SGCD: variants seen among roughly 807,000 people sequenced by gnomAD.
The protein encoded by SGCD is delta-sarcoglycan.
In SGCD, 18 loss-of-function variants were observed where a neutral mutation model predicts 36.6. That is an observed-to-expected ratio of 0.49 (90% CI 0.34 to 0.73). SGCD has a LOEUF of 0.73. Ranked by LOEUF, SGCD falls within the 30% of genes least tolerant of loss-of-function variation. The pLI, the probability that SGCD is intolerant of heterozygous loss-of-function variation, is 0.01. For missense variants in SGCD, 387 were observed against 346.7 expected (o/e 1.12, Z -0.92); for synonymous variants, 133 against 130.6 (o/e 1.02, Z -0.12).
At chr5:156,143,368 G>A (rs1206604918) in intron 3 of SGCD, among the ~76,000 whole-genome samples, 1 of 152,194 alleles carries the variant, frequency 6.6e-6, no homozygotes, top group Non-Finnish European at 1.5e-5. Flanking sequence ...GCAGTGCAGA[G>A]GAGAAATGTG....
chr5:156,114,220 T>C (rs1472196488), intron 1 of SGCD, among the ~76,000 whole-genome samples: 2 of 152,102 alleles, frequency 1.3e-5, no homozygotes, highest in East Asian at 3.9e-4. Flanking sequence ...GTTGGTGGGT[T>C]ATGCTGTGCA....
At chr5:156,163,791 C>T (rs540617574) in intron 3 of SGCD, among the ~76,000 whole-genome samples, 1 of 151,396 alleles carries the variant, frequency 6.6e-6, no homozygotes, top group Non-Finnish European at 1.5e-5. Flanking sequence ...GAGGCCGAGG[C>T]GGGTGGATCA....
chr5:155,893,551 T>G (rs916751341), intron 1 of SGCD, among the ~76,000 whole-genome samples: 1 of 152,230 alleles, frequency 6.6e-6, no homozygotes, highest in Admixed American at 6.5e-5. Flanking sequence ...TTGAGATTAG[T>G]TATCCTAGAG....
intron 6 of SGCD, among the ~76,000 whole-genome samples, chr5:156,625,103 AAT>A (rs1303707450): frequency 6.6e-6 from 1 of 152,220 alleles, no homozygotes; most frequent in Non-Finnish European, 1.5e-5. Context: ...GCCTCTCAGT[AAT>A]AGCAGTTAGG....
chr5:155,894,855 T>G (rs1756212619), intron 1 of SGCD, among the ~76,000 whole-genome samples: 1 of 152,130 alleles, frequency 6.6e-6, no homozygotes, highest in South Asian at 2.1e-4. Context: ...TATATTACAA[T>G]GTAATAAATC....
At chr5:156,386,217 T>C (rs943645955) in intron 3 of SGCD, among the ~76,000 whole-genome samples, 4 of 152,136 alleles carry the variant, frequency 2.6e-5, no homozygotes, top group Non-Finnish European at 5.9e-5. Context: ...GAGGACCCTA[T>C]AGTGTGTAGG....
chr5:156,505,803 ACC>A (rs1756670006), intron 3 of SGCD, among the ~76,000 whole-genome samples: 3 of 143,188 alleles, frequency 2.1e-5, no homozygotes, highest in Admixed American at 6.9e-5. Context: ...ACACACACAC[ACC>A]CCTACCCCTG....
At chr5:156,645,759 A>G (rs989382574) in intron 6 of SGCD, among the ~76,000 whole-genome samples, 17 of 152,260 alleles carry the variant, frequency 1.1e-4, no homozygotes, top group Admixed American at 6.5e-4. Flanking sequence ...AATAGTCTCC[A>G]CTTCATAGGG....
intron 3 of SGCD, among the ~76,000 whole-genome samples, chr5:156,272,570 G>A (rs776808295): frequency 5.9e-5 from 9 of 152,114 alleles, no homozygotes; most frequent in Non-Finnish European, 1.2e-4. Context: ...GATGAGATCC[G>A]CGTTATGACA....
intron 1 of SGCD, among the ~76,000 whole-genome samples, chr5:155,930,632 C>A (rs1266589258): frequency 6.6e-6 from 1 of 152,082 alleles, no homozygotes; most frequent in African/African-American, 2.4e-5. Flanking sequence ...CCTCTTTTAG[C>A]TCATGGATTT....
chr5:155,988,657 G>C (rs1758379114), intron 1 of SGCD, among the ~76,000 whole-genome samples: 1 of 152,156 alleles, frequency 6.6e-6, no homozygotes, highest in Admixed American at 6.5e-5. Flanking sequence ...AAAATGATAA[G>C]AGATGGAGGG....
chr5:155,916,648 A>G (rs913895769), intron 1 of SGCD, among the ~76,000 whole-genome samples: 1 of 152,232 alleles, frequency 6.6e-6, no homozygotes, highest in Non-Finnish European at 1.5e-5. Context: ...TAGCTCAGAT[A>G]CAAAACATGC....
chr5:156,105,963 T>C (rs767899602), intron 1 of SGCD, among the ~76,000 whole-genome samples: 1 of 151,254 alleles, frequency 6.6e-6, no homozygotes, highest in African/African-American at 2.4e-5. Flanking sequence ...ATACAAAAAT[T>C]AGCTGGGTGT....
chr5:156,185,339 C>T (rs149641799), intron 3 of SGCD, among the ~76,000 whole-genome samples: 3,419 of 151,604 alleles, frequency 0.023, 132 homozygotes, highest in African/African-American at 0.077. Context: ...CTCAGCCTCC[C>T]GAGTAGCTGG....
intron 1 of SGCD, among the ~76,000 whole-genome samples, chr5:156,050,930 A>G (rs1759899927): frequency 6.8e-6 from 1 of 146,476 alleles, no homozygotes; most frequent in African/African-American, 2.5e-5. Flanking sequence ...TTCCCACCTC[A>G]GGATCCTTAA....
chr5:156,190,942 G>A (rs1387990622), intron 3 of SGCD, among the ~76,000 whole-genome samples: 1 of 151,990 alleles, frequency 6.6e-6, no homozygotes, highest in Non-Finnish European at 1.5e-5. Flanking sequence ...TATATGATTT[G>A]TATATTTTCC....
At chr5:156,496,858 C>T (rs1358318040) in intron 3 of SGCD, among the ~76,000 whole-genome samples, 3 of 152,066 alleles carry the variant, frequency 2.0e-5, no homozygotes, top group Admixed American at 6.6e-5. Flanking sequence ...CCCTCTTAAC[C>T]CTCCATGGGC....
At chr5:156,629,633 G>A (rs979940010) in intron 6 of SGCD, among the ~76,000 whole-genome samples, 2 of 152,096 alleles carry the variant, frequency 1.3e-5, no homozygotes, top group Non-Finnish European at 1.5e-5. Context: ...TTACACAAAG[G>A]GCCAGATAGT....
intron 3 of SGCD, among the ~76,000 whole-genome samples, chr5:156,276,562 C>T (rs1766322903): frequency 6.6e-6 from 1 of 152,056 alleles, no homozygotes; most frequent in Non-Finnish European, 1.5e-5. Flanking sequence ...TGTTTTTAAA[C>T]AAATACATAT....
Sources: gnomAD v4.1 joint callset for allele counts (sites outside exome capture counted in the v4.1 genomes callset) on GRCh38, gnomAD v4.1.1 for gene constraint, MANE v1.5 for transcripts, NCBI Gene and HGNC (gene_info 2026-07-23, HGNC 2026-07-21) for gene names.